The following CPNE1 variants were observed in gnomAD, a reference collection of about 807,000 sequenced individuals.
The protein encoded by CPNE1 is copine-1.
CPNE1 carries 58 observed loss-of-function variants against 63.2 expected under a neutral mutation model. The observed-to-expected ratio is 0.92, with a 90% CI of 0.74 to 1.14. CPNE1 has a LOEUF of 1.14. Ranked by LOEUF, CPNE1 falls within the 50% of genes most tolerant of loss-of-function variation. CPNE1 has a pLI of 0.00. For synonymous variants in CPNE1, 237 were observed against 249.0 expected, an observed-to-expected ratio of 0.95 and a Z score of 0.45; for missense variants, 672 against 661.7, an observed-to-expected ratio of 1.02 and a Z score of -0.17.
intron 1 of CPNE1, among the ~76,000 whole-genome samples, chr20:35,656,788 T>C (rs952938525): frequency 6.6e-6 from 1 of 152,204 alleles, no homozygotes; most frequent in African/African-American, 2.4e-5. Flanking sequence ...ATTACAGGCG[T>C]GAGCCACTGC....
rs776873091 is a variant in CPNE1 at position 35,626,460 on chromosome 20, A to G, written c.1474-79T>C. ...GTATTTCATGCTCAAGAACCCAACC[A>G]TATCCCAGGCTTAGAGGAAAAGGTG... On this transcript the variant is annotated intron_variant, in intron 15 of 15. Transcript: ENST00000397443. The G allele has an allele frequency of 1.2e-4, 187 of 1,596,500 alleles. 1 individual carries two copies. The highest frequency in any genetic ancestry group is 1.5e-4 in the Non-Finnish European group (175 of 1,167,020).
intron 1 of CPNE1, chr20:35,654,377 T>C (rs771552414): frequency 1.1e-5 from 18 of 1,614,114 alleles, no homozygotes; most frequent in Non-Finnish European, 1.5e-5. Context: ...TCATTTTCCA[T>C]TGCAGAAAAG....
intron 1 of CPNE1, chr20:35,654,710 T>G: frequency 6.2e-7 from 1 of 1,613,712 alleles, no homozygotes; most frequent in Non-Finnish European, 8.5e-7. Flanking sequence ...ATTGGGGGAA[T>G]GGATGGCATT....
At chr20:35,648,667 T>C (rs1217019625) in intron 1 of CPNE1, among the ~76,000 whole-genome samples, 5 of 152,238 alleles carry the variant, frequency 3.3e-5, no homozygotes, top group African/African-American at 1.2e-4. Context: ...ATTTAAGGGC[T>C]TTGTTTGCCA....
chr20:35,652,818 A>AGGGCCG (rs201181145), intron 1 of CPNE1: 126,519 of 1,602,448 alleles, frequency 0.079, 5,726 homozygotes, highest in Non-Finnish European at 0.091. Flanking sequence ...GGATTGGGCC[A>AGGGCCG]GGGCCGGGGC....
chr20:35,653,035 G>C (rs148642724), intron 1 of CPNE1: 4 of 1,613,858 alleles, frequency 2.5e-6, no homozygotes, highest in Non-Finnish European at 3.4e-6. Flanking sequence ...TCCTAGACCA[G>C]GCAAACCACT....
chr20:35,657,089 T>C (rs1434483289), intron 1 of CPNE1, among the ~76,000 whole-genome samples: 1 of 152,128 alleles, frequency 6.6e-6, no homozygotes, highest in Non-Finnish European at 1.5e-5. Context: ...TACACAAAAA[T>C]AAAAAGCCAC....
chr20:35,638,641 A>G (rs2032625916), intron 1 of CPNE1, among the ~76,000 whole-genome samples: 1 of 152,190 alleles, frequency 6.6e-6, no homozygotes, highest in Non-Finnish European at 1.5e-5. Context: ...CCACTCCTAC[A>G]TTTTTAGCCA....
chr20:35,628,612 G>A (rs1424754264), intron 13 of CPNE1, among the ~76,000 whole-genome samples: 1 of 151,996 alleles, frequency 6.6e-6, no homozygotes, highest in African/African-American at 2.4e-5. Flanking sequence ...CCAAACTGAG[G>A]GACATTCTAG....
At chr20:35,627,552 T>A in intron 13 of CPNE1, 139 bp from the exon 14 acceptor site, 2 of 818,940 alleles carry the variant, frequency 2.4e-6, no homozygotes, top group African/African-American at 1.7e-5. Flanking sequence ...CCAGGGTACT[T>A]AACTGTCTCC....
chr20:35,654,662 G>A (rs553577652), intron 1 of CPNE1: 1 of 1,613,542 alleles, frequency 6.2e-7, no homozygotes, highest in Admixed American at 1.7e-5. Flanking sequence ...GGCACAGGAG[G>A]CACAGGAGGC....
rs1038812374 is a variant in CPNE1, at chr20:35,627,007, G to A, written c.1237-204C>T. Among the ~76,000 whole-genome samples the A allele has an allele frequency of 3.3e-5, 5 of 151,950 alleles. No homozygotes were observed. In the South Asian group the frequency reaches 1.0e-3, roughly 32 times the overall value. On this transcript the variant is annotated intron_variant, in intron 14 of 15. Coordinates refer to ENST00000397443, the MANE Select transcript of CPNE1 (RefSeq NM_152925.3). ...GTTTGTGACCACCCCAGCCAACATGGTGAAAGCCCGTCTCTACTAAAAATA... is the reference window on the plus strand; with the variant it reads ...GTTTGTGACCACCCCAGCCAACATGATGAAAGCCCGTCTCTACTAAAAATA...
chr20:35,646,213 C>A (rs2033084712), intron 1 of CPNE1, among the ~76,000 whole-genome samples: 2 of 139,772 alleles, frequency 1.4e-5, no homozygotes, highest in South Asian at 4.5e-4. Flanking sequence ...GCTGACTGTA[C>A]CACTGCACTC....
intron 1 of CPNE1, among the ~76,000 whole-genome samples, chr20:35,658,556 C>A (rs888640842): frequency 3.9e-5 from 6 of 152,062 alleles, no homozygotes; most frequent in Non-Finnish European, 5.9e-5. Flanking sequence ...GTCAGGAGTT[C>A]AAGACCAGCC....
chr20:35,663,370 T>G (rs977464142), intron 1 of CPNE1, among the ~76,000 whole-genome samples: 1 of 152,246 alleles, frequency 6.6e-6, no homozygotes. Flanking sequence ...AGACAATTCT[T>G]GTTGCTAAGA....
intron 1 of CPNE1, chr20:35,654,765 C>T (rs144142577): frequency 6.0e-5 from 97 of 1,613,750 alleles, no homozygotes; most frequent in East Asian, 1.8e-4. Context: ...TTGGTGGCGG[C>T]GGGACTGTGT....
rs188138118 is a variant in CPNE1 at position 35,627,016 on chromosome 20, C to T, written c.1237-213G>A. 4.1e-3 allele frequency among the ~76,000 whole-genome samples: 626 copies of T among 151,724 alleles called. 4 individuals carry two copies. Among genetic ancestry groups the T allele is most frequent in the Non-Finnish European group, 6.3e-3 (431 of 67,934 alleles). On this transcript the variant is annotated intron_variant, in intron 14 of 15. Coordinates refer to ENST00000397443, the MANE Select transcript of CPNE1 (RefSeq NM_152925.3). ...CACCCCAGCCAACATGGTGAAAGCCCGTCTCTACTAAAAATATAAAAATTA... is the reference window on the plus strand; with the variant it reads ...CACCCCAGCCAACATGGTGAAAGCCTGTCTCTACTAAAAATATAAAAATTA...
intron 1 of CPNE1, chr20:35,653,775 C>A (rs774763459): frequency 8.7e-6 from 14 of 1,614,062 alleles, no homozygotes; most frequent in Non-Finnish European, 8.5e-6. Flanking sequence ...TTTTTCGAAT[C>A]ATATCTATCT....
chr20:35,658,907 ACT>A (rs1461670173), intron 1 of CPNE1: 5 of 709,692 alleles, frequency 7.0e-6, no homozygotes, highest in Admixed American at 6.3e-5. Flanking sequence ...ATAAAAACGA[ACT>A]CTCTATTCAA....
Sources: allele counts gnomAD v4.1 joint callset (sites outside exome capture counted in the v4.1 genomes callset), GRCh38; gene constraint gnomAD v4.1.1; transcripts MANE v1.5; gene names NCBI Gene and HGNC (gene_info 2026-07-23, HGNC 2026-07-21).